The following ANKRD42 variants were observed in gnomAD, a reference collection of about 807,000 sequenced individuals.
The protein encoded by ANKRD42 is ankyrin repeat domain 42.
Under a neutral mutation model 51.5 loss-of-function variants are expected in ANKRD42, and 43 were observed. The observed-to-expected ratio is 0.83, with a 90% CI of 0.65 to 1.08. The LOEUF (loss-of-function observed/expected upper bound fraction) is 1.08, where lower values mean the gene tolerates loss of function less well. Ranked by LOEUF, ANKRD42 falls within the 50% of genes least tolerant of loss-of-function variation. ANKRD42 has a pLI of 0.00. For synonymous variants in ANKRD42, 203 were observed against 213.0 expected (o/e 0.95, Z 0.41); for missense variants, 608 against 629.3 (o/e 0.97, Z 0.36).
chr11:83,237,159 C>T (rs1863248361), intron 8 of ANKRD42, among the ~76,000 whole-genome samples: 1 of 151,970 alleles, frequency 6.6e-6, no homozygotes. Context: ...ACAGTCACCG[C>T]CCTCAAGGAG....
intron 8 of ANKRD42, 93 bp downstream of exon 8, chr11:83,236,602 A>T: frequency 1.1e-6 from 1 of 943,076 alleles, no homozygotes; most frequent in Non-Finnish European, 1.6e-6. Context: ...TTTTAATGGA[A>T]TTTTAGAGGA....
chr11:83,255,763 TC>T (rs1863760147), intron 11 of ANKRD42: 2 of 1,025,028 alleles, frequency 2.0e-6, no homozygotes, highest in African/African-American at 3.3e-5. Flanking sequence ...AATTTTTTTT[TC>T]TTTTGAACAG....
intron 1 of ANKRD42, among the ~76,000 whole-genome samples, chr11:83,196,107 C>T (rs191979684): frequency 6.5e-4 from 99 of 152,214 alleles, no homozygotes; most frequent in African/African-American, 2.2e-3. Context: ...CTCCCAAAGT[C>T]CTGGGATTAC....
At chr11:83,246,395 G>A (rs570516827) in intron 10 of ANKRD42, among the ~76,000 whole-genome samples, 91 of 152,220 alleles carry the variant, frequency 6.0e-4, no homozygotes, top group African/African-American at 2.0e-3. Flanking sequence ...CTTAGCATCC[G>A]TGGGTTTTGG....
At chr11:83,221,446 G>A (rs955013931) in intron 5 of ANKRD42, among the ~76,000 whole-genome samples, 2 of 152,096 alleles carry the variant, frequency 1.3e-5, no homozygotes, top group Admixed American at 6.5e-5. Flanking sequence ...GATTTCTTAC[G>A]GATGTACATC....
At chr11:83,225,418 T>A (rs936695904) in intron 6 of ANKRD42, among the ~76,000 whole-genome samples, 5 of 151,572 alleles carry the variant, frequency 3.3e-5, no homozygotes, top group Admixed American at 2.6e-4. Context: ...AATACAGAAA[T>A]TAGCTGTATG....
At chr11:83,224,616 T>A (rs1243958135) in intron 5 of ANKRD42, among the ~76,000 whole-genome samples, 2 of 152,162 alleles carry the variant, frequency 1.3e-5, no homozygotes, top group South Asian at 4.1e-4. Context: ...TATTTTAGTT[T>A]CAATTTAAAA....
intron 10 of ANKRD42, among the ~76,000 whole-genome samples, chr11:83,247,119 A>ATTT (rs34127140): frequency 6.8e-6 from 1 of 146,792 alleles, no homozygotes; most frequent in Non-Finnish European, 1.5e-5. Flanking sequence ...TGAGATGTAG[A>ATTT]TTTTTTTTTT....
chr11:83,226,192 CACAT>C (rs200243885), intron 6 of ANKRD42, among the ~76,000 whole-genome samples: 8,279 of 148,718 alleles, frequency 0.056, 749 homozygotes, highest in African/African-American at 0.19. Flanking sequence ...TACATCTGTA[CACAT>C]ACATATGTAC....
intron 8 of ANKRD42, among the ~76,000 whole-genome samples, chr11:83,239,847 GGT>G (rs1334160133): frequency 1.3e-5 from 2 of 152,118 alleles, no homozygotes; most frequent in Non-Finnish European, 1.5e-5. Flanking sequence ...GCTTGGTGTG[GGT>G]GTAGGGTTAT....
At chr11:83,215,723 C>A (rs1302929673) in intron 5 of ANKRD42, among the ~76,000 whole-genome samples, 2 of 152,134 alleles carry the variant, frequency 1.3e-5, no homozygotes, top group Non-Finnish European at 2.9e-5. Context: ...AAGGAAAAAG[C>A]AAAATGCCCT....
chr11:83,219,229 G>A (rs940295319), intron 5 of ANKRD42, among the ~76,000 whole-genome samples: 1 of 152,136 alleles, frequency 6.6e-6, no homozygotes, highest in African/African-American at 2.4e-5. Flanking sequence ...TCCATCTACC[G>A]GATTTAACCA....
intron 2 of ANKRD42, among the ~76,000 whole-genome samples, chr11:83,204,089 C>T (rs1440577744): frequency 6.6e-6 from 1 of 152,048 alleles, no homozygotes; most frequent in Non-Finnish European, 1.5e-5. Flanking sequence ...ACTGCAGGTG[C>T]CCGCCACCAC....
At chr11:83,210,618 A>G (rs1030332623) in intron 4 of ANKRD42, among the ~76,000 whole-genome samples, 199 bp downstream of exon 4, 7 of 152,214 alleles carry the variant, frequency 4.6e-5, no homozygotes, top group African/African-American at 1.7e-4. Context: ...CCCAAAAACC[A>G]ATTCAGTATT....
At position 83,208,058 on chromosome 11, in the gene ANKRD42, C is replaced by T. The variant is rs551744618; in HGVS notation, c.330+1893C>T. Among the ~76,000 whole-genome samples, 5 of 152,232 alleles carry T rather than the reference C, an allele frequency of 3.3e-5. 1 individual carries two copies. In the South Asian group the frequency reaches 6.2e-4, roughly 19 times the overall value. ...TTGTTTTTTGAGACAGGGTCTTGCT[C>T]TGTCACCCTGGCTGGAGTGCAGTGC... On this transcript the variant is annotated intron_variant, in intron 3 of 10. Coordinates refer to ENST00000533342, the MANE Select transcript of ANKRD42 (RefSeq NM_001300975.2).
chr11:83,226,056 C>A (rs1431299160), intron 6 of ANKRD42, among the ~76,000 whole-genome samples: 1 of 152,150 alleles, frequency 6.6e-6, no homozygotes, highest in Non-Finnish European at 1.5e-5. Context: ...CTGCATCCAG[C>A]CTGTATTATT....
At chr11:83,237,788 A>C (rs1863266160) in intron 8 of ANKRD42, among the ~76,000 whole-genome samples, 1 of 152,142 alleles carries the variant, frequency 6.6e-6, no homozygotes, top group Non-Finnish European at 1.5e-5. Context: ...ATGAGTTTTG[A>C]TGTATGCGTA....
intron 10 of ANKRD42, among the ~76,000 whole-genome samples, chr11:83,246,899 T>A (rs1863557345): frequency 6.6e-6 from 1 of 152,244 alleles, no homozygotes; most frequent in African/African-American, 2.4e-5. Context: ...TTTAAACAGA[T>A]GGCAAAACAT....
chr11:83,250,730 CT>C (rs1297407268), downstream of ANKRD42, among the ~76,000 whole-genome samples: 1 of 152,140 alleles, frequency 6.6e-6, no homozygotes, highest in Non-Finnish European at 1.5e-5. Flanking sequence ...ATTCTCTCCC[CT>C]ATCTCTGCAT....
Sources: allele counts gnomAD v4.1 joint callset (sites outside exome capture counted in the v4.1 genomes callset), GRCh38; gene constraint gnomAD v4.1.1; transcripts MANE v1.5; gene names NCBI Gene and HGNC (gene_info 2026-07-23, HGNC 2026-07-21).